EPHA6: variants seen among roughly 807,000 people sequenced by gnomAD.
EPHA6 encodes EPH receptor A6.
Under a neutral mutation model 112.0 loss-of-function variants are expected in EPHA6, and 50 were observed. The observed-to-expected ratio is 0.45, with a 90% CI of 0.36 to 0.56. The LOEUF (loss-of-function observed/expected upper bound fraction) is 0.56. Among genes scored for constraint, EPHA6 ranks in the 20% least tolerant of loss-of-function variants. The pLI is 0.00. For missense variants in EPHA6, 1,280 were observed against 1,417.4 expected, an observed-to-expected ratio of 0.90 and a Z score of 1.56; for synonymous variants, 529 against 490.7, an observed-to-expected ratio of 1.08 and a Z score of -1.03.
chr3:97,264,108 A>T (rs2079592014), intron 5 of EPHA6, among the ~76,000 whole-genome samples: 2 of 152,224 alleles, frequency 1.3e-5, no homozygotes, highest in African/African-American at 4.8e-5. Context: ...TGAAAGTGTT[A>T]CAGGATCTTT....
chr3:96,887,637 G>C (rs939595793), intron 2 of EPHA6, among the ~76,000 whole-genome samples: 2 of 152,146 alleles, frequency 1.3e-5, no homozygotes, highest in African/African-American at 4.8e-5. Context: ...ACCAGGGTGG[G>C]CAGGGCCCTA....
intron 2 of EPHA6, among the ~76,000 whole-genome samples, chr3:96,880,697 C>G (rs976025645): frequency 6.6e-6 from 1 of 152,080 alleles, no homozygotes; most frequent in Admixed American, 6.6e-5. Context: ...TTCCTCCCCC[C>G]ACCTCACGCG....
At chr3:97,197,947 A>G (rs1035506178) in intron 3 of EPHA6, among the ~76,000 whole-genome samples, 1 of 152,030 alleles carries the variant, frequency 6.6e-6, no homozygotes, top group Non-Finnish European at 1.5e-5. Context: ...TTCTACTGTG[A>G]CAGGCAGCAC....
At chr3:96,937,362 G>C (rs1484976545) in intron 2 of EPHA6, among the ~76,000 whole-genome samples, 1 of 152,140 alleles carries the variant, frequency 6.6e-6, no homozygotes, top group Non-Finnish European at 1.5e-5. Flanking sequence ...GGCCAGTGAT[G>C]ATGAGCATTT....
intron 14 of EPHA6, among the ~76,000 whole-genome samples, chr3:97,702,756 T>TTTTATTTA (rs1166981871): frequency 1.1e-4 from 16 of 152,328 alleles, no homozygotes; most frequent in Admixed American, 5.2e-4. Flanking sequence ...ATTGAATCAC[T>TTTTATTTA]TTTATTTATT....
intron 5 of EPHA6, among the ~76,000 whole-genome samples, chr3:97,388,553 TA>T (rs1276595726): frequency 6.6e-6 from 1 of 151,710 alleles, no homozygotes; most frequent in African/African-American, 2.4e-5. Context: ...AATGGGCCCA[TA>T]GGAGGATGGG....
chr3:97,127,707 C>T (rs547851019), intron 3 of EPHA6, among the ~76,000 whole-genome samples: 17 of 149,038 alleles, frequency 1.1e-4, no homozygotes, highest in African/African-American at 3.5e-4. Context: ...AGAGCCAGAC[C>T]CTGTCTCAAA....
rs949608311 is a variant in EPHA6, at chr3:97,513,058, C to G, written c.2201-19300C>G. Among the ~76,000 whole-genome samples the G allele has an allele frequency of 7.9e-5, 12 of 152,098 alleles. 1 individual carries two copies. The highest frequency in any genetic ancestry group is 1.3e-4 in the Admixed American group (2 of 15,278). ...AGGTGTCTATCATGAGGACATATTT[C>G]CAATCAATCCATATTTTACTAATGT... On this transcript the variant is annotated intron_variant, in intron 10 of 17. Coordinates refer to ENST00000389672, the MANE Select transcript of EPHA6 (RefSeq NM_001080448.3).
chr3:97,324,063 A>G (rs1466436311), intron 5 of EPHA6, among the ~76,000 whole-genome samples: 1 of 151,956 alleles, frequency 6.6e-6, no homozygotes, highest in Non-Finnish European at 1.5e-5. Flanking sequence ...AAGAATTTCT[A>G]ATCCTCTTCC....
At chr3:97,604,536 A>G (rs1262384153) in intron 12 of EPHA6, among the ~76,000 whole-genome samples, 2 of 151,808 alleles carry the variant, frequency 1.3e-5, no homozygotes, top group Non-Finnish European at 3.0e-5. Flanking sequence ...GTGTGCAAAC[A>G]TAATAATACA....
chr3:97,608,142 C>T (rs1055314255), intron 12 of EPHA6, among the ~76,000 whole-genome samples: 8 of 150,694 alleles, frequency 5.3e-5, no homozygotes. Context: ...GTTGATGCTA[C>T]TGCACAAAAT....
intron 2 of EPHA6, among the ~76,000 whole-genome samples, chr3:96,916,569 AAG>A (rs1388301372): frequency 1.3e-5 from 2 of 152,102 alleles, no homozygotes; most frequent in Non-Finnish European, 2.9e-5. Context: ...AATAGTTTTG[AAG>A]AGACTCATAG....
intron 2 of EPHA6, among the ~76,000 whole-genome samples, chr3:96,906,440 G>A (rs553252922): frequency 2.6e-5 from 4 of 151,984 alleles, no homozygotes; most frequent in South Asian, 2.1e-4. Flanking sequence ...CACCTACTCC[G>A]CAATGCATCA....
intron 2 of EPHA6, among the ~76,000 whole-genome samples, chr3:96,938,367 G>A (rs960449696): frequency 1.4e-4 from 21 of 150,728 alleles, no homozygotes; most frequent in Admixed American, 1.3e-3. Context: ...TCTCTTTGAA[G>A]CAATTGTGAA....
chr3:97,619,076 T>C (rs569833395), intron 13 of EPHA6, among the ~76,000 whole-genome samples: 2 of 152,044 alleles, frequency 1.3e-5, no homozygotes, highest in East Asian at 3.9e-4. Context: ...GATCAAGTAG[T>C]TGTGATCATC....
At chr3:97,719,495 A>G (rs564647368) in intron 14 of EPHA6, among the ~76,000 whole-genome samples, 1 of 152,288 alleles carries the variant, frequency 6.6e-6, no homozygotes, top group Admixed American at 6.5e-5. Context: ...TATTCTTGTC[A>G]TTACAGTAAA....
At chr3:97,557,120 A>G (rs1445971798) in intron 11 of EPHA6, among the ~76,000 whole-genome samples, 1 of 152,058 alleles carries the variant, frequency 6.6e-6, no homozygotes, top group Non-Finnish European at 1.5e-5. Flanking sequence ...TCATGAGTCA[A>G]AGAATTTGAC....
intron 1 of EPHA6, among the ~76,000 whole-genome samples, chr3:96,834,888 T>A (rs1274130124): frequency 6.6e-6 from 1 of 151,998 alleles, no homozygotes; most frequent in Non-Finnish European, 1.5e-5. Context: ...GATTTATAGA[T>A]GGGGTTTATG....
intron 6 of EPHA6, among the ~76,000 whole-genome samples, chr3:97,425,943 A>G (rs1035000572): frequency 2.0e-5 from 3 of 152,112 alleles, no homozygotes; most frequent in African/African-American, 7.2e-5. Context: ...GAAGTTCCTC[A>G]TCTCCATCTG....
Sources: gnomAD v4.1 joint callset for allele counts (sites outside exome capture counted in the v4.1 genomes callset) on GRCh38, gnomAD v4.1.1 for gene constraint, MANE v1.5 for transcripts, NCBI Gene and HGNC (gene_info 2026-07-23, HGNC 2026-07-21) for gene names.